LARP7: variants seen among roughly 807,000 people sequenced by gnomAD.
LARP7 encodes La ribonucleoprotein 7, transcriptional regulator.
In LARP7, 52 loss-of-function variants were observed where a neutral mutation model predicts 69.3. The observed-to-expected ratio is 0.75, with a 90% CI of 0.60 to 0.95. The LOEUF is 0.95. Ranked by LOEUF, LARP7 falls within the 40% of genes least tolerant of loss-of-function variation. The pLI is 0.00. For missense variants in LARP7, 733 were observed against 673.0 expected (o/e 1.09, Z -0.99); for synonymous variants, 254 against 215.9 (o/e 1.18, Z -1.55).
chr4:112,649,812 ATTC>A, intron 9 of LARP7, 126 bp downstream of exon 9: 1 of 603,246 alleles, frequency 1.7e-6, no homozygotes, highest in East Asian at 3.3e-5. Flanking sequence ...TATTAGAACA[ATTC>A]TTGATTTGTT....
rs570826406 is a variant in LARP7, at chr4:112,639,037, A to G, written c.-3+1798A>G. ...ATGTGGGATCAAACATACCTGGGAC[A>G]ACTTACTTAGCTAGCTTTGGCCAAG... is the stretch of plus-strand genomic sequence containing the variant. On this transcript the variant is annotated intron_variant, in intron 1 of 12. Coordinates refer to ENST00000344442, the MANE Select transcript of LARP7 (RefSeq NM_016648.4). Among the ~76,000 whole-genome samples the G allele has an allele frequency of 3.9e-5, 6 of 152,258 alleles. No homozygotes were observed. In the South Asian group the frequency reaches 1.2e-3, roughly 32 times the overall value.
In LARP7 at chr4:112,653,088, A is replaced by G. The variant is rs778644800; in HGVS notation, c.1428A>G (p.Ala476=). The G allele has an allele frequency of 7.6e-6, 12 of 1,586,384 alleles. No homozygotes were observed. The highest frequency in any genetic ancestry group is 9.4e-6 in the Non-Finnish European group (11 of 1,172,242). Residue 476 remains alanine, a synonymous_variant, in exon 11 of 13, where the codon GCA becomes GCG. Coordinates refer to ENST00000344442, the MANE Select transcript of LARP7 (RefSeq NM_016648.4). ...TAACTCTAATGCAGGATACTTTGGC[A>G]GCAATCTCAGAAGTTCTTTATGTTG... ...PGRKQVRDTL[A]AISEVLYVDL...
In LARP7 at chr4:112,647,120, A is replaced by G; in HGVS notation, c.639A>G (p.Arg213=). 6.2e-7 allele frequency: 1 copy of G among 1,604,872 alleles called. No homozygotes were observed. ...AAAATAAGCCCATTCCAGCCTTAAG[A>G]GTTGTGGGTGAGTATTTTTCAATAT... ...TVKNKPIPAL[R]VVEEKKKKKK... Residue 213 remains arginine (R), a synonymous_variant, in exon 6 of 13, where the codon AGA becomes AGG. Transcript: ENST00000344442.
chr4:112,646,721 A>G (rs2048279138), intron 4 of LARP7, 50 bp downstream of exon 4: 1 of 1,551,728 alleles, frequency 6.4e-7, no homozygotes, highest in Non-Finnish European at 8.7e-7. Flanking sequence ...CAGAAACAAT[A>G]TAATTAAGTT....
chr4:112,640,378 T>G lies in LARP7; in HGVS notation c.-3+3139T>G, dbSNP rs1471128560. On this transcript the variant is annotated intron_variant, in intron 1 of 12. Transcript: ENST00000344442. Reference sequence around the variant, plus strand: ...TTAAAGTTCCTGCCTTCATAGTGTCTACATTCTGGTGGGATAGGTAGACAA... The same window carrying G: ...TTAAAGTTCCTGCCTTCATAGTGTCGACATTCTGGTGGGATAGGTAGACAA... Among the ~76,000 whole-genome samples, 3 of 152,210 alleles carry G rather than the reference T, an allele frequency of 2.0e-5. No homozygotes were observed. The East Asian group carries it at 5.8e-4, about 29-fold the overall frequency.
intron 2 of LARP7, among the ~76,000 whole-genome samples, chr4:112,645,193 C>T (rs572803354): frequency 1.3e-5 from 2 of 152,116 alleles, no homozygotes; most frequent in Admixed American, 1.3e-4. Flanking sequence ...GATCTGCCCA[C>T]CTCAGCCTCC....
Position 112,646,950 on chromosome 4 carries a change from A to T in LARP7, c.547A>T (p.Ile183Phe), listed in dbSNP as rs951872139. The T allele has an allele frequency of 6.2e-7, 1 of 1,602,656 alleles. No homozygotes were observed. The highest frequency in any genetic ancestry group is 8.5e-7 in the Non-Finnish European group (1 of 1,177,186). The change falls in exon 5 of 13, where the codon ATT becomes TTT. Residue 183 changes from isoleucine to phenylalanine, a missense_variant. By Grantham distance (21) the Ile-to-Phe change is conservative. Transcript: ENST00000344442. ...FETKEQAAKA[I>F]EFLNNPPEEA... ...AACAAAAGAACAAGCAGCAAAAGCA[A>T]TTGAGGTAAGTCCAGATCCTAAAAA...
At chr4:112,656,491 A>G (rs2048960965) in intron 12 of LARP7, among the ~76,000 whole-genome samples, 1 of 152,240 alleles carries the variant, frequency 6.6e-6, no homozygotes, top group African/African-American at 2.4e-5. Flanking sequence ...AGGTCTGCCA[A>G]AAGGGATGTC....
At chr4:112,648,435 C>G (rs570633839) in intron 8 of LARP7, 5 of 534,494 alleles carry the variant, frequency 9.4e-6, no homozygotes, top group Non-Finnish European at 1.9e-5. Flanking sequence ...CAAAGGGGAT[C>G]CCTTCAAATG....
At chr4:112,653,947 A>G in intron 11 of LARP7, 121 bp from the exon 12 acceptor site, 1 of 737,066 alleles carries the variant, frequency 1.4e-6, no homozygotes, top group South Asian at 1.7e-5. Flanking sequence ...ATATGTGTAA[A>G]GTAGCATTAA....
chr4:112,638,397 C>T (rs2047796034), intron 1 of LARP7, among the ~76,000 whole-genome samples: 1 of 152,188 alleles, frequency 6.6e-6, no homozygotes, highest in South Asian at 2.1e-4. Flanking sequence ...ACTCACTCTT[C>T]CAAGTTATCT....
At chr4:112,643,287 G>A (rs941141559) in intron 1 of LARP7, among the ~76,000 whole-genome samples, 4 of 152,342 alleles carry the variant, frequency 2.6e-5, no homozygotes, top group African/African-American at 9.6e-5. Flanking sequence ...AAATATGATT[G>A]TGGGAGGGGA....
Position 112,646,925 on chromosome 4 carries a change from A to C in LARP7, c.522A>C (p.Glu174Asp). ...AGGGATTTGCGTTTGTGGAATTTGA[A>C]ACAAAAGAACAAGCAGCAAAAGCAA... Reference protein sequence around the residue: ...DPKGFAFVEFETKEQAAKAIE... With the variant: ...DPKGFAFVEFDTKEQAAKAIE... The change falls in exon 5 of 13, where the codon GAA becomes GAC. Residue 174 changes from glutamate to aspartate, a missense_variant. Coordinates refer to ENST00000344442, the MANE Select transcript of LARP7 (RefSeq NM_016648.4). The C allele has an allele frequency of 6.2e-7, 1 of 1,607,916 alleles. No homozygotes were observed. The highest frequency in any genetic ancestry group is 8.5e-7 in the Non-Finnish European group (1 of 1,178,704).
chr4:112,650,518 TC>T lies in LARP7; in HGVS notation c.1353del (p.Phe451LeufsTer2). 6.2e-7 allele frequency: 1 copy of T among 1,613,668 alleles called. No homozygotes were observed. Among genetic ancestry groups the T allele is most frequent in the Non-Finnish European group, 8.5e-7 (1 of 1,179,736 alleles). ...AAAGTTAATGCAACAGGACCACAGTTCGTGAGTGGAGTGATTGTGAAGATCA... is the reference window on the plus strand; with the variant it reads ...AAAGTTAATGCAACAGGACCACAGTTGTGAGTGGAGTGATTGTGAAGATCA... ...QEKVNATGPQ[F>X]VSGVIVKIIS... On this transcript the variant is annotated frameshift_variant, in exon 10 of 13. Coordinates refer to ENST00000344442, the MANE Select transcript of LARP7 (RefSeq NM_016648.4). LOFTEE classifies it high-confidence loss of function.
Position 112,650,505 on chromosome 4 carries a change from A to G in LARP7, c.1339A>G (p.Thr447Ala), listed in dbSNP as rs1429547228. 3 of 1,613,768 alleles carry G rather than the reference A, an allele frequency of 1.9e-6. No individual in the cohort carries two copies. The highest frequency in any genetic ancestry group is 3.3e-5 in the Admixed American group (2 of 59,988). Residue 447 changes from threonine to alanine, a missense_variant, in exon 10 of 13, where the codon ACA becomes GCA. Transcript: ENST00000344442. ...ECRTQEKVNA[T>A]GPQFVSGVIV... Reference sequence around the variant, plus strand: ...TCGCACCCAGGAGAAAGTTAATGCAACAGGACCACAGTTCGTGAGTGGAGT... The same window carrying G: ...TCGCACCCAGGAGAAAGTTAATGCAGCAGGACCACAGTTCGTGAGTGGAGT...
chr4:112,649,551 T>G lies in LARP7; in HGVS notation c.1159T>G (p.Leu387Val), dbSNP rs769897611. 39 of 1,600,290 alleles carry G rather than the reference T, an allele frequency of 2.4e-5. No homozygotes were observed. The highest frequency in any genetic ancestry group is 3.2e-5 in the Non-Finnish European group (38 of 1,174,342). ...TCCTTGTAGGAGCGAATGGATGGAT[T>G]TGAAAAAAGAGTATTTAGCGCTACA... ...RVLSKSEWMD[L>V]KKEYLALQKA... is the part of the protein sequence containing the mutation. The change falls in exon 9 of 13, where the codon TTG becomes GTG. Residue 387 changes from leucine to valine, a missense_variant. Physicochemically the swap from Leu to Val is conservative, Grantham distance 32. Coordinates refer to ENST00000344442, the MANE Select transcript of LARP7 (RefSeq NM_016648.4).
chr4:112,654,014 G>GT, intron 11 of LARP7, 54 bp from the exon 12 acceptor site: 1 of 1,311,078 alleles, frequency 7.6e-7, no homozygotes, highest in South Asian at 1.2e-5. Flanking sequence ...CTTGAATATG[G>GT]TTTTTCAGAT....
chr4:112,639,186 A>AT (rs1455565399), intron 1 of LARP7, among the ~76,000 whole-genome samples: 4 of 150,208 alleles, frequency 2.7e-5, no homozygotes, highest in Non-Finnish European at 5.9e-5. Context: ...TTTATTCTTC[A>AT]TTTAAAGCCA....
chr4:112,653,012 A>G, intron 10 of LARP7, 65 bp from the exon 11 acceptor site: 2 of 1,271,664 alleles, frequency 1.6e-6, no homozygotes, highest in Non-Finnish European at 1.1e-6. Context: ...AACCATTGGA[A>G]TAGTTTTAGA....
Sources: allele counts gnomAD v4.1 joint callset (sites outside exome capture counted in the v4.1 genomes callset), GRCh38; gene constraint gnomAD v4.1.1; transcripts MANE v1.5; gene names NCBI Gene and HGNC (gene_info 2026-07-23, HGNC 2026-07-21).